The following BLVRA variants were observed in gnomAD, a reference collection of about 807,000 sequenced individuals.
The protein encoded by BLVRA is BVR A.
BLVRA carries 22 observed loss-of-function variants against 32.8 expected under a neutral mutation model. The observed-to-expected ratio is 0.67, with a 90% CI of 0.48 to 0.96. BLVRA has a LOEUF of 0.96. BLVRA is among the 40% of genes least tolerant of loss of function. The pLI is 0.00. For synonymous variants in BLVRA, 119 were observed against 141.3 expected (o/e 0.84, Z 1.12); for missense variants, 323 against 358.1 (o/e 0.90, Z 0.79).
At chr7:43,758,988 T>A (rs2095739416) in intron 1 of BLVRA, among the ~76,000 whole-genome samples, 1 of 152,206 alleles carries the variant, frequency 6.6e-6, no homozygotes, top group African/African-American at 2.4e-5. Flanking sequence ...AAAGACAGTC[T>A]AAAAAATTAA....
intron 1 of BLVRA, among the ~76,000 whole-genome samples, chr7:43,766,733 A>G (rs555893514): frequency 2.6e-5 from 4 of 152,134 alleles, no homozygotes; most frequent in African/African-American, 9.7e-5. Flanking sequence ...ACAGCACAGA[A>G]AGGATCTGTC....
At chr7:43,770,330 C>CT (rs1218011535) in intron 1 of BLVRA, among the ~76,000 whole-genome samples, 2 of 152,156 alleles carry the variant, frequency 1.3e-5, no homozygotes, top group African/African-American at 4.8e-5. Flanking sequence ...AAAAATTAAT[C>CT]TTTACAGGCC....
chr7:43,800,437 C>T, intron 5 of BLVRA, 28 bp from the exon 6 acceptor site: 2 of 1,600,520 alleles, frequency 1.2e-6, no homozygotes, highest in Non-Finnish European at 8.6e-7. Context: ...TGACGACTGC[C>T]CTTTTTATTC....
chr7:43,763,960 A>G (rs2095745126), intron 1 of BLVRA, among the ~76,000 whole-genome samples: 1 of 152,262 alleles, frequency 6.6e-6, no homozygotes, highest in South Asian at 2.1e-4. Context: ...TAGTCAGTGT[A>G]GAGAATAAAA....
intron 5 of BLVRA, among the ~76,000 whole-genome samples, chr7:43,798,903 A>T (rs1403351562): frequency 6.6e-6 from 1 of 152,094 alleles, no homozygotes. Flanking sequence ...AGTTTCTTTA[A>T]TAACCATGGA....
At chr7:43,793,274 A>C (rs1485385586) in intron 5 of BLVRA, among the ~76,000 whole-genome samples, 1 of 151,864 alleles carries the variant, frequency 6.6e-6, no homozygotes, top group Admixed American at 6.5e-5. Context: ...TAAGCACTTC[A>C]TATGTTATTT....
At chr7:43,767,438 A>C in intron 1 of BLVRA, 1 of 1,559,342 alleles carries the variant, frequency 6.4e-7, no homozygotes, top group Non-Finnish European at 8.8e-7. Context: ...TTTCACAACT[A>C]AATCTTATAT....
intron 2 of BLVRA, among the ~76,000 whole-genome samples, chr7:43,780,164 G>A (rs2095767241): frequency 6.6e-6 from 1 of 152,084 alleles, no homozygotes; most frequent in African/African-American, 2.4e-5. Flanking sequence ...GAGCCACCAT[G>A]CCTGTCACTC....
Position 43,787,175 on chromosome 7 carries a change from G to A in BLVRA, c.13-729G>A, listed in dbSNP as rs925091595. Among the ~76,000 whole-genome samples, 8 of 152,086 alleles carry A rather than the reference G, an allele frequency of 5.3e-5. No individual in the cohort carries two copies. Among genetic ancestry groups the A allele is most frequent in the African/African-American group, 1.9e-4 (8 of 41,392 alleles). ...TGACCTCAAGTGATCCACCTGCCTC[G>A]GCCTCCCAAAGTGCTGGGATTACAG... On this transcript the variant is annotated intron_variant, in intron 2 of 7. Coordinates refer to ENST00000265523, the MANE Select transcript of BLVRA (RefSeq NM_000712.4). The surrounding 1 kb of genome is among the most constrained non-coding windows in gnomAD (Gnocchi z 4.5).
chr7:43,760,018 G>A lies in BLVRA; in HGVS notation c.-22+1284G>A, dbSNP rs1403332570. ...TTTTTTTTTTTTTTTTTGAGACAGA[G>A]CCTCGCCCTGTCACCAGGCTGGAGT... On this transcript the variant is annotated intron_variant, in intron 1 of 7. Transcript: ENST00000265523. The A allele has an allele frequency of 3.3e-5, 4 of 122,054 alleles. 1 individual carries two copies. Among genetic ancestry groups the A allele is most frequent in the Non-Finnish European group, 6.4e-5 (4 of 62,826 alleles). 7.6% of individuals were successfully genotyped at this position (122,054 alleles called of 1,614,324 possible).
intron 5 of BLVRA, among the ~76,000 whole-genome samples, chr7:43,800,191 G>A (rs555089112): frequency 3.9e-5 from 6 of 152,176 alleles, no homozygotes; most frequent in African/African-American, 1.4e-4. Context: ...CCTGACCTCA[G>A]GTGATCTGCC....
At chr7:43,804,837 G>A (rs1298477966) in intron 7 of BLVRA, among the ~76,000 whole-genome samples, 1 of 152,206 alleles carries the variant, frequency 6.6e-6, no homozygotes, top group Non-Finnish European at 1.5e-5. Context: ...TTGCAGAGAG[G>A]TGGGTCTCCT....
rs748451417 is a variant in BLVRA, at chr7:43,771,188, A to T, written c.12+18A>T. On this transcript the variant is annotated intron_variant, in intron 2 of 7. Coordinates refer to ENST00000265523, the MANE Select transcript of BLVRA (RefSeq NM_000712.4). ...ATGCAGAGGTGAGTTCTTTACAAAG[A>T]CCAGTTTAAGGGATGCTTTTCTTAT... The T allele has an allele frequency of 1.2e-6, 2 of 1,613,134 alleles. No individual in the cohort carries two copies. Among genetic ancestry groups the T allele is most frequent in the Admixed American group, 3.3e-5 (2 of 60,028 alleles).
intron 5 of BLVRA, among the ~76,000 whole-genome samples, chr7:43,797,773 A>G (rs1395451243): frequency 1.3e-5 from 2 of 152,216 alleles, no homozygotes; most frequent in Admixed American, 6.5e-5. Flanking sequence ...CATTCTGGAC[A>G]GTTCCTCCAT....
At chr7:43,801,860 C>G (rs1585743917) in intron 6 of BLVRA, among the ~76,000 whole-genome samples, 1 of 152,142 alleles carries the variant, frequency 6.6e-6, no homozygotes, top group East Asian at 1.9e-4. Context: ...CTAGGCTGGG[C>G]ATAGTGGCTC....
chr7:43,796,634 T>C (rs1203674437), intron 5 of BLVRA, among the ~76,000 whole-genome samples: 3 of 152,160 alleles, frequency 2.0e-5, no homozygotes, highest in Non-Finnish European at 2.9e-5. Flanking sequence ...CATCAAGATA[T>C]TGGATTTGGC....
chr7:43,772,472 G>A (rs567027539), intron 2 of BLVRA, among the ~76,000 whole-genome samples: 1 of 152,328 alleles, frequency 6.6e-6, no homozygotes, highest in African/African-American at 2.4e-5. Flanking sequence ...GGCCCATCCT[G>A]GAGCAGCTTC....
At chr7:43,788,339 C>T (rs952605923) in intron 3 of BLVRA, among the ~76,000 whole-genome samples, 3 of 152,202 alleles carry the variant, frequency 2.0e-5, no homozygotes, top group Non-Finnish European at 2.9e-5. Context: ...GAAAGGCTTT[C>T]GGTGTGCACC....
chr7:43,780,816 A>G (rs1010292908), intron 2 of BLVRA, among the ~76,000 whole-genome samples: 9 of 152,214 alleles, frequency 5.9e-5, no homozygotes, highest in Admixed American at 2.0e-4. Flanking sequence ...GTGTATGTTC[A>G]TGAAACATTT....
Sources: allele counts gnomAD v4.1 joint callset (sites outside exome capture counted in the v4.1 genomes callset), GRCh38; gene constraint gnomAD v4.1.1; non-coding constraint Gnocchi (gnomAD v3.1); transcripts MANE v1.5; gene names NCBI Gene and HGNC (gene_info 2026-07-23, HGNC 2026-07-21).